Variants in CNKSR3 observed in about 807,000 individuals in gnomAD.
CNKSR3 encodes the protein connector enhancer of kinase suppressor of ras 3.
In CNKSR3, 36 loss-of-function variants were observed where a neutral mutation model predicts 67.7. That is an observed-to-expected ratio of 0.53 (90% CI 0.41 to 0.70). The LOEUF is 0.70. Ranked by LOEUF, CNKSR3 falls within the 30% of genes least tolerant of loss-of-function variation. CNKSR3 has a pLI of 0.00. For missense variants in CNKSR3, 630 were observed against 695.2 expected (o/e 0.91, Z 1.05); for synonymous variants, 281 against 271.4 (o/e 1.04, Z -0.35).
chr6:154,431,435 T>C (rs1250342938), intron 5 of CNKSR3, among the ~76,000 whole-genome samples: 4 of 102,862 alleles, frequency 3.9e-5, no homozygotes, highest in Non-Finnish European at 6.9e-5. Context: ...AGAGCGAGAC[T>C]CTGTCAAAAA....
chr6:154,499,387 C>T (rs1786938292), intron 1 of CNKSR3, among the ~76,000 whole-genome samples: 1 of 152,178 alleles, frequency 6.6e-6, no homozygotes, highest in African/African-American at 2.4e-5. Context: ...CCTGAGGAGT[C>T]TGTTAGCTTC....
chr6:154,468,936 G>A (rs1786267149), intron 1 of CNKSR3, among the ~76,000 whole-genome samples: 3 of 152,246 alleles, frequency 2.0e-5, no homozygotes, highest in East Asian at 1.9e-4. Flanking sequence ...TGGGAGGATC[G>A]CTTGAGCCCA....
chr6:154,428,240 GCCCCGAGTGAGA>G, intron 6 of CNKSR3, 53 bp from the exon 7 acceptor site: 1 of 1,125,326 alleles, frequency 8.9e-7, no homozygotes, highest in Non-Finnish European at 1.4e-6. Flanking sequence ...TAGAGACATA[GCCCCGAGTGAGA>G]CTTAAACTTA....
intron 5 of CNKSR3, among the ~76,000 whole-genome samples, chr6:154,432,995 G>A (rs1215180346): frequency 6.6e-6 from 1 of 152,162 alleles, no homozygotes; most frequent in African/African-American, 2.4e-5. Flanking sequence ...TAGGAGGAAG[G>A]CCTTATCAAA....
chr6:154,453,811 C>G (rs912687162), intron 1 of CNKSR3, among the ~76,000 whole-genome samples: 1 of 152,098 alleles, frequency 6.6e-6, no homozygotes, highest in Non-Finnish European at 1.5e-5. Context: ...AAACCATATT[C>G]TTTTACTTAT....
At chr6:154,487,563 T>C (rs1786700651) in intron 1 of CNKSR3, among the ~76,000 whole-genome samples, 1 of 152,168 alleles carries the variant, frequency 6.6e-6, no homozygotes, top group Admixed American at 6.5e-5. Context: ...TGTTTCAGAA[T>C]GAGGAACGGC....
intron 1 of CNKSR3, among the ~76,000 whole-genome samples, chr6:154,479,492 T>A (rs1056486319): frequency 6.6e-6 from 1 of 152,170 alleles, no homozygotes; most frequent in Admixed American, 6.5e-5. Context: ...AGCATTCAGC[T>A]GCTCCATCCA....
At chr6:154,498,707 C>T (rs1786925484) in intron 1 of CNKSR3, among the ~76,000 whole-genome samples, 1 of 152,176 alleles carries the variant, frequency 6.6e-6, no homozygotes, top group African/African-American at 2.4e-5. Context: ...ATTCTGGACT[C>T]TCATGGGTTT....
intron 2 of CNKSR3, among the ~76,000 whole-genome samples, chr6:154,448,679 A>G (rs1317902681): frequency 6.6e-6 from 1 of 152,206 alleles, no homozygotes; most frequent in Non-Finnish European, 1.5e-5. Flanking sequence ...AGCGTCTCCC[A>G]GGCGGCAGCT....
intron 1 of CNKSR3, among the ~76,000 whole-genome samples, chr6:154,466,903 G>C (rs2114621552): frequency 6.6e-6 from 1 of 152,020 alleles, no homozygotes; most frequent in Admixed American, 6.6e-5. Context: ...GGGATTAGAG[G>C]AGTGAGCTCA....
At chr6:154,433,830 T>A (rs775606612) in intron 4 of CNKSR3, 1 of 204,076 alleles carries the variant, frequency 4.9e-6, no homozygotes, top group Non-Finnish European at 9.8e-6. Flanking sequence ...CAGAGAGTAG[T>A]AAGTCAGAAG....
chr6:154,401,497 A>AGTG lies in CNKSR3; in HGVS notation c.*4854_*4856dup, dbSNP rs1416699147. 1 of 152,638 alleles carries AGTG rather than the reference A, an allele frequency of 6.6e-6. No individual in the cohort carries two copies. Among genetic ancestry groups the AGTG allele is most frequent in the Non-Finnish European group, 1.5e-5 (1 of 68,372 alleles). 9.5% of individuals were successfully genotyped at this position (152,638 alleles called of 1,614,324 possible). The stretch of plus-strand genomic sequence containing the variant: ...GAAATTTCTGTCATTTAAGCTACCC[A>AGTG]GTGTATGGTATTTTGTTATTGCAGC... On this transcript the variant is annotated 3_prime_UTR_variant, in exon 13 of 13. Coordinates refer to ENST00000607772, the MANE Select transcript of CNKSR3 (RefSeq NM_173515.4).
rs1023900364 is a variant in CNKSR3 at position 154,420,550 on chromosome 6, G to A, written c.945+1956C>T. Among the ~76,000 whole-genome samples, 49 of 150,750 alleles carry A rather than the reference G, an allele frequency of 3.3e-4. No homozygotes were observed. In the Middle Eastern group the frequency reaches 0.027, roughly 84 times the overall value. On this transcript the variant is annotated intron_variant, in intron 9 of 12. Coordinates refer to ENST00000607772, the MANE Select transcript of CNKSR3 (RefSeq NM_173515.4). The stretch of plus-strand genomic sequence containing the variant: ...TAAAAATACAAAAAATTAGCCGGGC[G>A]TAGTGGCGGGTGCCTGTAGTCCCAG...
intron 1 of CNKSR3, among the ~76,000 whole-genome samples, chr6:154,499,716 T>C (rs963398316): frequency 1.3e-5 from 2 of 152,208 alleles, no homozygotes; most frequent in African/African-American, 4.8e-5. Context: ...GCCATCCTCC[T>C]GTCTCAGCCT....
intron 5 of CNKSR3, 47 bp downstream of exon 5, chr6:154,433,419 G>A (rs1334359433): frequency 1.5e-6 from 2 of 1,325,414 alleles, no homozygotes; most frequent in Non-Finnish European, 2.1e-6. Flanking sequence ...GATTCCCACT[G>A]CCTTTGGAAA....
intron 1 of CNKSR3, among the ~76,000 whole-genome samples, chr6:154,451,898 T>C (rs926977476): frequency 2.6e-5 from 4 of 152,176 alleles, no homozygotes; most frequent in Non-Finnish European, 5.9e-5. Context: ...CTGGGGATAC[T>C]GATATAAACC....
chr6:154,389,159 T>C lies in CNKSR3; in HGVS notation c.*17195A>G, dbSNP rs531741268. 6.6e-6 allele frequency: 1 copy of C among 152,340 alleles called. No homozygotes were observed. Among genetic ancestry groups the C allele is most frequent in the African/African-American group, 2.4e-5 (1 of 41,580 alleles). 9.4% of individuals were successfully genotyped at this position (152,340 alleles called of 1,614,324 possible). ...TTTGGGGGTCATATCCATGAAATCA[T>C]TGACAAGACCAATGTCAAAGAGCTT... On this transcript the variant is annotated 3_prime_UTR_variant, in exon 13 of 13. Coordinates refer to ENST00000607772, the MANE Select transcript of CNKSR3 (RefSeq NM_173515.4).
chr6:154,475,848 A>T (rs989923331), intron 1 of CNKSR3, among the ~76,000 whole-genome samples: 2 of 151,804 alleles, frequency 1.3e-5, no homozygotes, highest in Non-Finnish European at 2.9e-5. Context: ...GACGACCAAT[A>T]AATAACCACC....
chr6:154,504,338 CT>C (rs1429702314), intron 1 of CNKSR3, among the ~76,000 whole-genome samples: 1 of 152,170 alleles, frequency 6.6e-6, no homozygotes, highest in Non-Finnish European at 1.5e-5. Context: ...ACAGGTGCCC[CT>C]GGATGATAAG....
Sources: allele counts gnomAD v4.1 joint callset (sites outside exome capture counted in the v4.1 genomes callset), GRCh38; gene constraint gnomAD v4.1.1; transcripts MANE v1.5; gene names NCBI Gene and HGNC (gene_info 2026-07-23, HGNC 2026-07-21).